Variants in R3HDM2 observed in about 807,000 individuals in gnomAD.
R3HDM2 encodes R3H domain-containing protein 2.
A neutral mutation model predicts 124.5 loss-of-function variants in R3HDM2; 38 were observed. That is an observed-to-expected ratio of 0.31 (90% CI 0.24 to 0.40). R3HDM2 has a LOEUF of 0.40. Ranked by LOEUF, R3HDM2 falls within the 10% of genes least tolerant of loss-of-function variation. The probability of loss-of-function intolerance (pLI) is 1.00; values close to 1 mark genes in which losing one functional copy is unlikely to be tolerated. For synonymous variants in R3HDM2, 391 were observed against 448.0 expected, an observed-to-expected ratio of 0.87 and a Z score of 1.61; for missense variants, 869 against 1,236.9, an observed-to-expected ratio of 0.70 and a Z score of 4.46.
At chr12:57,300,545 A>G (rs2050886598) in intron 4 of R3HDM2, among the ~76,000 whole-genome samples, 1 of 152,220 alleles carries the variant, frequency 6.6e-6, no homozygotes, top group Admixed American at 6.5e-5. Context: ...GCTGAGAGCC[A>G]AAAGTCCTAG....
rs35440132 is a variant in R3HDM2, at chr12:57,261,757, CA to C, written c.2132-2699del. On this transcript the variant is annotated intron_variant, in intron 19 of 23. Transcript: ENST00000402412. ...TGTCACTACTTCTTAATAGACGTGG[CA>C]AAAAAAAAAAAAAAAAAAAACCCTC... Among the ~76,000 whole-genome samples the C allele has an allele frequency of 2.6e-3, 216 of 82,012 alleles. 1 individual carries two copies. Among genetic ancestry groups the C allele is most frequent in the South Asian group, 9.6e-3 (18 of 1,880 alleles). 53.8% of individuals were successfully genotyped at this position (82,012 alleles called of 152,430 possible).
At chr12:57,342,495 GACACACAC>G (rs36014724) in intron 2 of R3HDM2, among the ~76,000 whole-genome samples, 1 of 148,974 alleles carries the variant, frequency 6.7e-6, no homozygotes, top group Non-Finnish European at 1.5e-5. Flanking sequence ...GGCACACACA[GACACACAC>G]ACACACACAC....
intron 2 of R3HDM2, among the ~76,000 whole-genome samples, chr12:57,350,024 C>A (rs2060516088): frequency 6.6e-6 from 1 of 151,930 alleles, no homozygotes; most frequent in African/African-American, 2.4e-5. Flanking sequence ...ACCAGCCTGG[C>A]CATGGTGAAA....
intron 2 of R3HDM2, among the ~76,000 whole-genome samples, chr12:57,321,768 CTATT>C (rs1193400213): frequency 6.6e-6 from 1 of 152,120 alleles, no homozygotes; most frequent in African/African-American, 2.4e-5. Flanking sequence ...CTATAATAGT[CTATT>C]TATGTGAAGC....
chr12:57,270,829 A>C (rs2137466635), intron 14 of R3HDM2, among the ~76,000 whole-genome samples: 1 of 152,206 alleles, frequency 6.6e-6, no homozygotes, highest in Non-Finnish European at 1.5e-5. Context: ...TCAGCCTCCC[A>C]AAGTGCTGGG....
chr12:57,302,309 C>G (rs1382190244), intron 4 of R3HDM2, among the ~76,000 whole-genome samples: 2 of 151,456 alleles, frequency 1.3e-5, no homozygotes, highest in African/African-American at 2.4e-5. Context: ...AATGGCCAGG[C>G]ATGGTGGCTC....
intron 9 of R3HDM2, 185 bp from the exon 10 acceptor site, chr12:57,295,692 T>C (rs1188356706): frequency 1.1e-5 from 6 of 559,462 alleles, no homozygotes; most frequent in African/African-American, 5.7e-5. Context: ...TATACATCTA[T>C]AACTTCTCTT....
intron 17 of R3HDM2, 178 bp from the exon 18 acceptor site, chr12:57,268,635 C>T (rs995408062): frequency 1.1e-5 from 8 of 742,332 alleles, no homozygotes; most frequent in Non-Finnish European, 1.7e-5. Context: ...TTTCTGCCTT[C>T]TTCAAATACC....
chr12:57,265,475 A>G (rs945939056), intron 19 of R3HDM2, among the ~76,000 whole-genome samples: 6 of 152,044 alleles, frequency 3.9e-5, no homozygotes, highest in African/African-American at 1.4e-4. Flanking sequence ...TCTTCATTTC[A>G]TGACCCAAAG....
intron 4 of R3HDM2, among the ~76,000 whole-genome samples, chr12:57,301,700 T>C (rs1390728410): frequency 5.3e-5 from 8 of 152,234 alleles, no homozygotes; most frequent in Admixed American, 5.2e-4. Context: ...ATCATAGTTC[T>C]TGGCCTTCTT....
At chr12:57,340,500 C>T (rs2059423381) in intron 2 of R3HDM2, among the ~76,000 whole-genome samples, 1 of 152,102 alleles carries the variant, frequency 6.6e-6, no homozygotes, top group African/African-American at 2.4e-5. Flanking sequence ...CCTTTTTCTC[C>T]TCCTACCACA....
chr12:57,275,447 A>G (rs1490079158), intron 14 of R3HDM2, among the ~76,000 whole-genome samples: 2 of 152,100 alleles, frequency 1.3e-5, no homozygotes, highest in Admixed American at 6.5e-5. Context: ...ACCAAATGCA[A>G]TAAAAACAAA....
intron 2 of R3HDM2, among the ~76,000 whole-genome samples, chr12:57,394,501 G>C (rs1275970880): frequency 2.0e-5 from 3 of 152,100 alleles, no homozygotes; most frequent in Non-Finnish European, 4.4e-5. Context: ...GAACCCGGGA[G>C]GCGGAGGTTG....
intron 1 of R3HDM2, among the ~76,000 whole-genome samples, chr12:57,407,510 A>T (rs2068635111): frequency 6.6e-6 from 1 of 151,290 alleles, no homozygotes; most frequent in South Asian, 2.1e-4. Flanking sequence ...GGTTCAAGCA[A>T]TTCTCCTGCC....
At chr12:57,264,175 GA>G (rs368452014) in intron 19 of R3HDM2, among the ~76,000 whole-genome samples, 28 of 150,816 alleles carry the variant, frequency 1.9e-4, no homozygotes, top group Middle Eastern at 6.8e-3. Context: ...CTGGGAGGCA[GA>G]GGCTGCAGTG....
chr12:57,396,162 G>A lies in R3HDM2; in HGVS notation c.-105-344C>T, dbSNP rs539916884. Among the ~76,000 whole-genome samples the A allele has an allele frequency of 1.9e-3, 288 of 152,242 alleles. 1 individual carries two copies. The highest frequency in any genetic ancestry group is 6.6e-3 in the African/African-American group (273 of 41,538). On this transcript the variant is annotated intron_variant, in intron 1 of 23. Coordinates refer to ENST00000402412, the MANE Select transcript of R3HDM2 (RefSeq NM_001394031.1). ...CTCATTAAAAAGAGTAGTCTAGGCCGGGCGCGGTGGCTCACGCCTGTAATC... is the reference window on the plus strand; with the variant it reads ...CTCATTAAAAAGAGTAGTCTAGGCCAGGCGCGGTGGCTCACGCCTGTAATC...
intron 2 of R3HDM2, among the ~76,000 whole-genome samples, chr12:57,388,455 C>G (rs774556239): frequency 1.2e-4 from 19 of 152,166 alleles, no homozygotes; most frequent in Non-Finnish European, 2.6e-4. Flanking sequence ...AAGAGAAGAA[C>G]TGGCTGCCAG....
intron 2 of R3HDM2, among the ~76,000 whole-genome samples, chr12:57,357,808 T>C (rs986736060): frequency 1.3e-5 from 2 of 152,052 alleles, no homozygotes; most frequent in Admixed American, 1.3e-4. Flanking sequence ...TAAACTTCCA[T>C]TAAGCACTTC....
At chr12:57,331,375 T>C (rs1318677585) in intron 2 of R3HDM2, among the ~76,000 whole-genome samples, 1 of 152,162 alleles carries the variant, frequency 6.6e-6, no homozygotes. Flanking sequence ...AAACCCCAAA[T>C]ACCTCCTATA....
Sources: allele counts gnomAD v4.1 joint callset (sites outside exome capture counted in the v4.1 genomes callset), GRCh38; gene constraint gnomAD v4.1.1; transcripts MANE v1.5; gene names NCBI Gene and HGNC (gene_info 2026-07-23, HGNC 2026-07-21).